Variants in PTCH1 observed in about 807,000 individuals in gnomAD.
The protein encoded by PTCH1 is protein patched homolog 1.
A neutral mutation model predicts 144.6 loss-of-function variants in PTCH1; 14 were observed. That is an observed-to-expected ratio of 0.10 (90% confidence interval 0.06 to 0.15). The LOEUF is 0.15. Among genes scored for constraint, PTCH1 ranks in the 10% least tolerant of loss-of-function variants. The pLI is 1.00. For synonymous variants in PTCH1, 833 were observed against 793.6 expected, an observed-to-expected ratio of 1.05 and a Z score of -0.83; for missense variants, 1,623 against 1,948.3, an observed-to-expected ratio of 0.83 and a Z score of 3.14.
intron 2 of PTCH1, among the ~76,000 whole-genome samples, chr9:95,499,869 G>T (rs1199765063): frequency 6.6e-6 from 1 of 151,942 alleles, no homozygotes; most frequent in Non-Finnish European, 1.5e-5. Context: ...TGAGGCAGAA[G>T]GCGGCCACCA....
chr9:95,497,543 G>C (rs919741399), intron 2 of PTCH1, among the ~76,000 whole-genome samples: 2 of 152,200 alleles, frequency 1.3e-5, no homozygotes, highest in East Asian at 1.9e-4. Context: ...TCACGGAGGA[G>C]GTCATCTTGG....
chr9:95,508,884 G>A lies in PTCH1; in HGVS notation c.-523C>T. On this transcript the variant is annotated 5_prime_UTR_variant, in exon 1 of 24. Coordinates refer to ENST00000331920, the MANE Select transcript of PTCH1 (RefSeq NM_000264.5). Reference sequence around the variant, plus strand: ...CGCGGAGGGCAAGCGCAGAGCCGCCGCCGCCGCGGGGTCCGAGGGTGCCCG... The same window carrying A: ...CGCGGAGGGCAAGCGCAGAGCCGCCACCGCCGCGGGGTCCGAGGGTGCCCG... The A allele has an allele frequency of 1.1e-6, 1 of 950,372 alleles. No individual in the cohort carries two copies. The highest frequency in any genetic ancestry group is 1.3e-6 in the Non-Finnish European group (1 of 798,666). The allele number at this position is 950,372 out of a possible 1,614,324, so 58.9% of individuals were successfully genotyped here.
At chr9:95,454,834 C>T (rs534177866) in intron 19 of PTCH1, among the ~76,000 whole-genome samples, 1 of 152,328 alleles carries the variant, frequency 6.6e-6, no homozygotes, top group Non-Finnish European at 1.5e-5. Flanking sequence ...CATAGAGGAT[C>T]AGAATACTGA....
rs762616418 is a variant in PTCH1 at position 95,506,380 on chromosome 9, C to CGCGGGCGCCGCGGCGGGCGCCGCG, written c.394+26_394+27insCGCGGCGCCCGCCGCGGCGCCCGC. 9 of 1,605,478 alleles carry CGCGGGCGCCGCGGCGGGCGCCGCG rather than the reference C, an allele frequency of 5.6e-6. No homozygotes were observed. The African/African-American group carries it at 1.2e-4, about 22-fold the overall frequency. On this transcript the variant is annotated intron_variant, in intron 2 of 23. Coordinates refer to ENST00000331920, the MANE Select transcript of PTCH1 (RefSeq NM_000264.5). ...CCGCGAGGAGGGACCGGGCCGGGGG[C>CGCGGGCGCCGCGGCGGGCGCCGCG]GCGGGCGCCGCGGCGGGCGCTCTTA...
At chr9:95,483,714 T>C (rs763220738) in intron 3 of PTCH1, 1 of 152,198 alleles carries the variant, frequency 6.6e-6, no homozygotes, top group Non-Finnish European at 1.5e-5. Context: ...GTCTTTCCTC[T>C]CTTTGAGAGC....
At chr9:95,504,960 CTTCTT>C (rs1027701873) in intron 2 of PTCH1, among the ~76,000 whole-genome samples, 1 of 152,132 alleles carries the variant, frequency 6.6e-6, no homozygotes, top group African/African-American at 2.4e-5. Flanking sequence ...CGATAAAACC[CTTCTT>C]TTATCTACCA....
chr9:95,460,384 G>A (rs1839357050), intron 16 of PTCH1, among the ~76,000 whole-genome samples: 1 of 152,160 alleles, frequency 6.6e-6, no homozygotes, highest in Non-Finnish European at 1.5e-5. Context: ...CGTCCTCTGC[G>A]TGGCCAAATG....
chr9:95,516,023 C>G (rs1844347529), intron 1 of PTCH1, among the ~76,000 whole-genome samples: 1 of 152,074 alleles, frequency 6.6e-6, no homozygotes, highest in Non-Finnish European at 1.5e-5. Flanking sequence ...CTCTCCGCAC[C>G]AGCCCTTCCA....
chr9:95,468,696 A>G, intron 14 of PTCH1, 55 bp downstream of exon 14: 1 of 1,598,298 alleles, frequency 6.3e-7, no homozygotes, highest in East Asian at 2.2e-5. Flanking sequence ...GATGAACTCC[A>G]AAGGTTCTGT....
chr9:95,464,651 T>C (rs1468873321), intron 15 of PTCH1, among the ~76,000 whole-genome samples: 1 of 152,176 alleles, frequency 6.6e-6, no homozygotes, highest in Non-Finnish European at 1.5e-5. Flanking sequence ...AGATGTGACA[T>C]GTGGGATAGT....
chr9:95,508,126 G>T, intron 1 of PTCH1, 35 bp downstream of exon 1: 1 of 1,610,900 alleles, frequency 6.2e-7, no homozygotes, highest in South Asian at 1.1e-5. Flanking sequence ...TTAGAGGAGG[G>T]AAGAGAAAGT....
intron 2 of PTCH1, among the ~76,000 whole-genome samples, chr9:95,493,186 C>T (rs542009123): frequency 2.0e-4 from 30 of 152,338 alleles, no homozygotes; most frequent in African/African-American, 7.2e-4. Context: ...CCACTGTAGA[C>T]AAGAGATGTT....
At position 95,506,563 on chromosome 9, in the gene PTCH1, T is replaced by C. The variant is rs2118880499; in HGVS notation, c.238A>G (p.Arg80Gly). 6.2e-7 allele frequency: 1 copy of C among 1,612,938 alleles called. No individual in the cohort carries two copies. Among genetic ancestry groups the C allele is most frequent in the Non-Finnish European group, 8.5e-7 (1 of 1,179,464 alleles). Residue 80 changes from arginine (R) to glycine (G), a missense_variant, in exon 2 of 24, where the codon AGA becomes GGA. By Grantham distance (125) the Arg-to-Gly change is moderately radical. This residue lies in a region of PTCH1 where 245 missense variants were observed against 240.6 expected (regional missense o/e 1.02). Transcript: ENST00000331920. ...ATGRKAPLWL[R>G]AKFQRLLFKL... ...AATAAGAGTCTCTGAAACTTCGCTCTCAGCCACAGCGGCGCTTTCCGGCCA... is the reference window on the plus strand; with the variant it reads ...AATAAGAGTCTCTGAAACTTCGCTCCCAGCCACAGCGGCGCTTTCCGGCCA...
intron 1 of PTCH1, among the ~76,000 whole-genome samples, chr9:95,515,000 A>G (rs557304496): frequency 6.6e-6 from 1 of 152,350 alleles, no homozygotes; most frequent in South Asian, 2.1e-4. Context: ...CTGGGTGACA[A>G]CTGGAACACA....
intron 12 of PTCH1, among the ~76,000 whole-genome samples, chr9:95,471,338 C>T (rs144884897): frequency 1.8e-4 from 28 of 152,304 alleles, no homozygotes; most frequent in African/African-American, 6.7e-4. Flanking sequence ...CTCTCAAGAG[C>T]GTTCTTCTAA....
At chr9:95,448,445 G>A (rs1286856929) in intron 22 of PTCH1, among the ~76,000 whole-genome samples, 1 of 152,144 alleles carries the variant, frequency 6.6e-6, no homozygotes, top group African/African-American at 2.4e-5. Context: ...CCAGGTCCTT[G>A]GAGCCTCCGA....
At chr9:95,459,307 G>A (rs189147914) in intron 17 of PTCH1, among the ~76,000 whole-genome samples, 4 of 152,274 alleles carry the variant, frequency 2.6e-5, no homozygotes, top group African/African-American at 7.2e-5. Flanking sequence ...ACCTGGAGGC[G>A]TCCCCGGTGT....
chr9:95,509,119 T>G lies in PTCH1; in HGVS notation c.-758A>C, dbSNP rs925614272. 2.0e-5 allele frequency among the ~76,000 whole-genome samples: 3 copies of G among 151,974 alleles called. No homozygotes were observed. Among genetic ancestry groups the G allele is most frequent in the Admixed American group, 6.5e-5 (1 of 15,274 alleles). ...TCTGTCCCCGTGCAGCGCGCCTCTC[T>G]CGCTCCCGGGACCTGGGGACTCCGC... On this transcript the variant is annotated 5_prime_UTR_variant, in exon 1 of 24. Transcript: ENST00000331920.
At chr9:95,453,377 G>C (rs376806750) in intron 20 of PTCH1, 101 bp downstream of exon 20, 1 of 1,553,144 alleles carries the variant, frequency 6.4e-7, no homozygotes. Flanking sequence ...TGATCCACCC[G>C]CCTCGGCCTC....
Sources: gnomAD v4.1 joint callset for allele counts (sites outside exome capture counted in the v4.1 genomes callset) on GRCh38, gnomAD v4.1.1 for gene constraint, gnomAD v4.1.1 regional missense constraint, MANE v1.5 for transcripts, NCBI Gene and HGNC (gene_info 2026-07-23, HGNC 2026-07-21) for gene names.